KCNH1: variants seen among roughly 807,000 people sequenced by gnomAD.
KCNH1 encodes potassium voltage-gated channel subfamily H member 1, also known as voltage-gated delayed rectifier potassium channel KCNH1.
A neutral mutation model predicts 69.2 loss-of-function variants in KCNH1; 27 were observed. The ratio of observed to expected loss-of-function variants is 0.39; its 90% confidence interval spans 0.29 to 0.54. KCNH1 has a LOEUF of 0.54. KCNH1 is among the 20% of genes least tolerant of loss of function. KCNH1 has a pLI of 0.68. For synonymous variants in KCNH1, 456 were observed against 487.7 expected, an observed-to-expected ratio of 0.93 and a Z score of 0.86; for missense variants, 798 against 1,261.6, an observed-to-expected ratio of 0.63 and a Z score of 5.57.
intron 6 of KCNH1, among the ~76,000 whole-genome samples, chr1:210,997,366 C>T (rs953034451): frequency 2.0e-5 from 3 of 152,140 alleles, no homozygotes; most frequent in South Asian, 2.1e-4. Flanking sequence ...GTGAAGAATG[C>T]AGAAGCCTCA....
At chr1:210,980,844 T>C (rs371343047) in intron 6 of KCNH1, among the ~76,000 whole-genome samples, 1 of 145,480 alleles carries the variant, frequency 6.9e-6, no homozygotes, top group Non-Finnish European at 1.5e-5. Context: ...TGTGTGTGTG[T>C]GCATTTATAT....
intron 6 of KCNH1, among the ~76,000 whole-genome samples, chr1:211,008,028 A>G (rs560642279): frequency 6.6e-6 from 1 of 152,266 alleles, no homozygotes; most frequent in African/African-American, 2.4e-5. Context: ...TTATCATATG[A>G]CTCAGCAATT....
intron 7 of KCNH1, among the ~76,000 whole-genome samples, chr1:210,829,083 T>C (rs1685104024): frequency 6.6e-6 from 1 of 152,102 alleles, no homozygotes; most frequent in Non-Finnish European, 1.5e-5. Context: ...GGCCCCTGCA[T>C]CTCTCCTGAG....
chr1:210,723,924 T>C (rs1682531793), intron 10 of KCNH1, among the ~76,000 whole-genome samples: 1 of 152,190 alleles, frequency 6.6e-6, no homozygotes, highest in African/African-American at 2.4e-5. Flanking sequence ...TTATCATGGG[T>C]CTGACATGGC....
At chr1:210,876,351 C>T (rs1686372648) in intron 7 of KCNH1, among the ~76,000 whole-genome samples, 1 of 152,144 alleles carries the variant, frequency 6.6e-6, no homozygotes. Context: ...ATCCTTCCAT[C>T]TACCTTCCTC....
intron 10 of KCNH1, among the ~76,000 whole-genome samples, chr1:210,687,721 G>A (rs1364743474): frequency 2.0e-5 from 3 of 152,236 alleles, no homozygotes; most frequent in Non-Finnish European, 4.4e-5. Context: ...TAGTCACGGA[G>A]TCTGTCTCAG....
At chr1:210,910,901 C>G (rs1687215306) in intron 7 of KCNH1, among the ~76,000 whole-genome samples, 1 of 152,154 alleles carries the variant, frequency 6.6e-6, no homozygotes. Flanking sequence ...TCTTTTATGC[C>G]ACATTCATGG....
At chr1:210,756,206 T>C (rs1453531569) in intron 10 of KCNH1, among the ~76,000 whole-genome samples, 1 of 152,154 alleles carries the variant, frequency 6.6e-6, no homozygotes, top group East Asian at 1.9e-4. Context: ...CTGCTTACAG[T>C]CTTTGGAACC....
At chr1:210,975,769 G>T (rs967277658) in intron 6 of KCNH1, among the ~76,000 whole-genome samples, 16 of 152,140 alleles carry the variant, frequency 1.1e-4, no homozygotes, top group Non-Finnish European at 1.8e-4. Flanking sequence ...TTAAACTAAA[G>T]AGCTTCTGCA....
At chr1:210,867,569 G>T (rs888471898) in intron 7 of KCNH1, among the ~76,000 whole-genome samples, 13 of 151,864 alleles carry the variant, frequency 8.6e-5, no homozygotes, top group Admixed American at 2.0e-4. Context: ...TCCCATTTCA[G>T]TTCATAGTTT....
In KCNH1 at chr1:210,813,730, T is replaced by C. The variant is rs113550649; in HGVS notation, c.1463-9564A>G. ...AAGAAACTCACTGCCTGGGCAGAAA[T>C]GGGTAGTGATATGGTTTGGCTGTGT... On this transcript the variant is annotated intron_variant, in intron 7 of 10. Coordinates refer to ENST00000271751, the MANE Select transcript of KCNH1 (RefSeq NM_172362.3). Among the ~76,000 whole-genome samples the C allele has an allele frequency of 6.2e-3, 944 of 152,260 alleles. 16 individuals are homozygous for C. Among genetic ancestry groups the C allele is most frequent in the African/African-American group, 0.021 (887 of 41,554 alleles).
At chr1:210,899,056 T>C (rs74156850) in intron 7 of KCNH1, among the ~76,000 whole-genome samples, 191 of 152,292 alleles carry the variant, frequency 1.3e-3, no homozygotes, top group African/African-American at 4.5e-3. Context: ...ATGACCCTAT[T>C]TTATAGAACC....
chr1:210,960,434 A>T (rs1217399653), intron 6 of KCNH1, among the ~76,000 whole-genome samples: 1 of 151,766 alleles, frequency 6.6e-6, no homozygotes, highest in Admixed American at 6.6e-5. Context: ...TGCTCTCTCC[A>T]CCTCTTTCCC....
intron 2 of KCNH1, 115 bp downstream of exon 2, chr1:211,107,139 C>A (rs1041133450): frequency 1.3e-4 from 147 of 1,131,106 alleles, no homozygotes; most frequent in Non-Finnish European, 4.3e-5. Flanking sequence ...AATAAATTTT[C>A]CTGTGAATAC....
At chr1:210,922,166 G>A (rs1314961140) in intron 6 of KCNH1, among the ~76,000 whole-genome samples, 1 of 151,864 alleles carries the variant, frequency 6.6e-6, no homozygotes, top group Non-Finnish European at 1.5e-5. Context: ...CAGATCACGA[G>A]GTAAGGAGAT....
intron 7 of KCNH1, among the ~76,000 whole-genome samples, chr1:210,853,951 A>AC: frequency 6.9e-6 from 1 of 145,948 alleles, no homozygotes; most frequent in Non-Finnish European, 1.5e-5. Context: ...TAAGCCAAAA[A>AC]AAAAAAAAAA....
chr1:210,875,160 A>C (rs1419677194), intron 7 of KCNH1, among the ~76,000 whole-genome samples: 1 of 152,268 alleles, frequency 6.6e-6, no homozygotes, highest in East Asian at 1.9e-4. Context: ...TTCATGAATT[A>C]TTCTTAATAA....
intron 3 of KCNH1, among the ~76,000 whole-genome samples, chr1:211,100,477 G>A (rs934454440): frequency 5.9e-5 from 9 of 151,994 alleles, no homozygotes; most frequent in East Asian, 5.8e-4. Flanking sequence ...TCACCCTCCC[G>A]AGTAGCTGGG....
intron 6 of KCNH1, among the ~76,000 whole-genome samples, chr1:210,961,866 A>C (rs1659349024): frequency 1.3e-5 from 2 of 151,956 alleles, no homozygotes; most frequent in Non-Finnish European, 2.9e-5. Flanking sequence ...AAAAGAATAC[A>C]GTTATAATAA....
Sources: gnomAD v4.1 joint callset for allele counts (sites outside exome capture counted in the v4.1 genomes callset) on GRCh38, gnomAD v4.1.1 for gene constraint, MANE v1.5 for transcripts, NCBI Gene and HGNC (gene_info 2026-07-23, HGNC 2026-07-21) for gene names.